MYT1L: variants seen among roughly 807,000 people sequenced by gnomAD.
MYT1L encodes myelin transcription factor 1-like protein.
A neutral mutation model predicts 126.7 loss-of-function variants in MYT1L; 12 were observed. That is an observed-to-expected ratio of 0.09 (90% confidence interval 0.06 to 0.15). The LOEUF is 0.15. Among genes scored for constraint, MYT1L ranks in the 10% least tolerant of loss-of-function variants. The probability of loss-of-function intolerance (pLI) is 1.00; values close to 1 mark genes in which losing one functional copy is unlikely to be tolerated. For synonymous variants in MYT1L, 541 were observed against 604.2 expected, an observed-to-expected ratio of 0.90 and a Z score of 1.53; for missense variants, 979 against 1,585.2, an observed-to-expected ratio of 0.62 and a Z score of 6.49.
At chr2:1,886,635 C>T (rs925512085) in intron 17 of MYT1L, 28 bp from the exon 18 acceptor site, 8 of 1,475,500 alleles carry the variant, frequency 5.4e-6, no homozygotes, top group Admixed American at 2.4e-5. Context: ...ACAGGCAGGT[C>T]AGTCAACTGC....
At chr2:1,988,836 T>C (rs375373175) in intron 5 of MYT1L, among the ~76,000 whole-genome samples, 6 of 152,224 alleles carry the variant, frequency 3.9e-5, no homozygotes, top group East Asian at 1.9e-4. Context: ...GCTGGGTACA[T>C]AGCCGATGCT....
intron 8 of MYT1L, among the ~76,000 whole-genome samples, chr2:1,950,559 C>T (rs763978494): frequency 5.3e-5 from 8 of 151,780 alleles, no homozygotes; most frequent in Non-Finnish European, 1.2e-4. Flanking sequence ...AGACAGTTAC[C>T]CTGCCAGAGA....
chr2:1,865,958 A>G (rs2045404877), intron 18 of MYT1L, among the ~76,000 whole-genome samples: 1 of 152,206 alleles, frequency 6.6e-6, no homozygotes, highest in African/African-American at 2.4e-5. Flanking sequence ...GCCCATGGCA[A>G]GGAGTGGGCT....
intron 3 of MYT1L, among the ~76,000 whole-genome samples, chr2:2,127,113 G>A (rs192487647): frequency 2.6e-5 from 4 of 152,174 alleles, no homozygotes; most frequent in Admixed American, 2.0e-4. Context: ...TTAAGTTCAG[G>A]GGCATATGTG....
At chr2:1,983,531 TG>T (rs1365145024) in intron 5 of MYT1L, among the ~76,000 whole-genome samples, 1 of 152,238 alleles carries the variant, frequency 6.6e-6, no homozygotes, top group Non-Finnish European at 1.5e-5. Context: ...TGATGGTGTG[TG>T]GTCCTAAGGC....
chr2:2,293,109 G>A (rs886529931), intron 1 of MYT1L, among the ~76,000 whole-genome samples: 1 of 152,228 alleles, frequency 6.6e-6, no homozygotes, highest in Non-Finnish European at 1.5e-5. Flanking sequence ...TCTGGAGCCA[G>A]AGGGTCCCAG....
rs916165365 is a variant in MYT1L at position 2,026,097 on chromosome 2, G to A, written c.-158+27881C>T. Among the ~76,000 whole-genome samples the A allele has an allele frequency of 1.1e-4, 16 of 152,292 alleles. No homozygotes were observed. The South Asian group carries it at 3.3e-3, about 32-fold the overall frequency. ...CCACCATGTGCCATGCTCTAGTTAG[G>A]GGTCTAGGGCTTGAAGCTTTATTTA... On this transcript the variant is annotated intron_variant, in intron 4 of 24. Transcript: ENST00000647738.
intron 3 of MYT1L, among the ~76,000 whole-genome samples, chr2:2,138,268 T>C (rs1340316210): frequency 6.6e-5 from 10 of 150,378 alleles, no homozygotes; most frequent in Admixed American, 2.0e-4. Flanking sequence ...AGTTCAACCA[T>C]TGTGGAAGTC....
intron 3 of MYT1L, among the ~76,000 whole-genome samples, chr2:2,127,833 C>G (rs1466833177): frequency 1.3e-5 from 2 of 152,010 alleles, no homozygotes; most frequent in East Asian, 3.9e-4. Flanking sequence ...ACCTCCTTGC[C>G]GAATAATGTA....
intron 10 of MYT1L, among the ~76,000 whole-genome samples, chr2:1,919,627 T>C (rs2053306243): frequency 6.6e-6 from 1 of 152,262 alleles, no homozygotes; most frequent in Admixed American, 6.5e-5. Flanking sequence ...TAACAGAGTG[T>C]CTGAAAATAG....
rs184504191 is a variant in MYT1L at position 2,186,234 on chromosome 2, A to T, written c.-420-13246T>A. 2.8e-3 allele frequency among the ~76,000 whole-genome samples: 390 copies of T among 138,914 alleles called. 3 individuals are homozygous for T. The highest frequency in any genetic ancestry group is 2.7e-3 in the Non-Finnish European group (176 of 66,192). 91.1% of individuals were successfully genotyped at this position (138,914 alleles called of 152,430 possible). A position where few individuals can be genotyped will look rare whatever the true frequency, so the allele number is the denominator to read the frequency against. ...TCCCGAGTCCCGCGTTCCTTACGTG[A>T]GGGGGACGCAGCCAGGCCTTCCGGG... is the stretch of plus-strand genomic sequence containing the variant. On this transcript the variant is annotated intron_variant, in intron 2 of 24. Transcript: ENST00000647738.
chr2:2,311,109 C>T (rs1473995425), intron 1 of MYT1L, among the ~76,000 whole-genome samples: 1 of 152,164 alleles, frequency 6.6e-6, no homozygotes, highest in African/African-American at 2.4e-5. Flanking sequence ...TCCCTCCAGA[C>T]CCCGGATCTG....
chr2:1,795,265 G>C (rs948089798), intron 23 of MYT1L, among the ~76,000 whole-genome samples: 5 of 152,246 alleles, frequency 3.3e-5, no homozygotes, highest in Admixed American at 6.5e-5. Flanking sequence ...TGTGAGGCAT[G>C]TTTGCAGTGA....
In MYT1L at chr2:1,809,068, G is replaced by C; in HGVS notation, c.3172+8C>G. On this transcript the variant is annotated splice_region_variant and intron_variant, in intron 22 of 24. Transcript: ENST00000647738. Reference sequence around the variant, plus strand: ...CATGGGTGCCACGAGGGCTGGAGGGGTGCTCACCGTTGCTGGCCCGCTGTT... The same window carrying C: ...CATGGGTGCCACGAGGGCTGGAGGGCTGCTCACCGTTGCTGGCCCGCTGTT... The C allele has an allele frequency of 6.2e-7, 1 of 1,613,732 alleles. No homozygotes were observed. Among genetic ancestry groups the C allele is most frequent in the Non-Finnish European group, 8.5e-7 (1 of 1,179,776 alleles).
intron 3 of MYT1L, among the ~76,000 whole-genome samples, chr2:2,103,347 T>G (rs2078332043): frequency 6.6e-6 from 1 of 152,232 alleles, no homozygotes; most frequent in South Asian, 2.1e-4. Context: ...TCCTGAGAGC[T>G]GTGCAGCAGG....
chr2:2,083,840 A>G (rs2076087738), intron 3 of MYT1L, among the ~76,000 whole-genome samples: 1 of 150,974 alleles, frequency 6.6e-6, no homozygotes, highest in Non-Finnish European at 1.5e-5. Flanking sequence ...CAAGGAAAGG[A>G]AAGTTCAGTT....
At chr2:1,870,828 A>G (rs1306207599) in intron 18 of MYT1L, among the ~76,000 whole-genome samples, 1 of 152,202 alleles carries the variant, frequency 6.6e-6, no homozygotes, top group Non-Finnish European at 1.5e-5. Flanking sequence ...TGGAAGTACA[A>G]TATTCATTTC....
At chr2:1,866,526 T>G (rs1443141636) in intron 18 of MYT1L, among the ~76,000 whole-genome samples, 452 of 30,860 alleles carry the variant, frequency 0.015, no homozygotes, top group African/African-American at 0.017. Flanking sequence ...AGAGAGAGAG[T>G]TGGGAGGAGA....
At chr2:2,187,794 C>T (rs2092319109) in intron 2 of MYT1L, among the ~76,000 whole-genome samples, 1 of 152,114 alleles carries the variant, frequency 6.6e-6, no homozygotes, top group South Asian at 2.1e-4. Context: ...CACAGCATTT[C>T]CCAAAGGCTC....
Sources: allele counts gnomAD v4.1 joint callset (sites outside exome capture counted in the v4.1 genomes callset), GRCh38; gene constraint gnomAD v4.1.1; transcripts MANE v1.5; gene names NCBI Gene and HGNC (gene_info 2026-07-23, HGNC 2026-07-21).